Variants in RALY observed in about 807,000 individuals in gnomAD.
RALY encodes RNA-binding protein Raly.
RALY carries 15 observed loss-of-function variants against 30.7 expected under a neutral mutation model. The observed-to-expected ratio is 0.49, with a 90% CI of 0.33 to 0.75. The LOEUF is 0.75. Among genes scored for constraint, RALY ranks in the 30% least tolerant of loss-of-function variants. The probability of loss-of-function intolerance (pLI) is 0.02; values close to 1 mark genes in which losing one functional copy is unlikely to be tolerated. For synonymous variants in RALY, 177 were observed against 170.8 expected (o/e 1.04, Z -0.28); for missense variants, 339 against 414.3 (o/e 0.82, Z 1.58).
At chr20:34,050,515 G>C (rs2033040832) in intron 2 of RALY, among the ~76,000 whole-genome samples, 1 of 152,202 alleles carries the variant, frequency 6.6e-6, no homozygotes, top group Non-Finnish European at 1.5e-5. Context: ...ACAGCAATGT[G>C]GGTTATGAGG....
rs1257696168 is a variant in RALY, at chr20:34,082,798, A to T, written c.*2893A>T. 6.6e-6 allele frequency: 1 copy of T among 152,256 alleles called. No individual in the cohort carries two copies. The highest frequency in any genetic ancestry group is 1.5e-5 in the Non-Finnish European group (1 of 68,054). 9.4% of individuals were successfully genotyped at this position (152,256 alleles called of 1,614,324 possible). A position where few individuals can be genotyped will look rare whatever the true frequency, so the allele number is the denominator to read the frequency against. On this transcript the variant is annotated 3_prime_UTR_variant, in exon 10 of 10. Transcript: ENST00000246194. ...AGCAAAAACATCCATTCCGCTGCGC[A>T]ACAGTTGTCATTTTTCTAACATCTG...
At chr20:34,013,413 C>CA (rs34859292) in intron 1 of RALY, among the ~76,000 whole-genome samples, 2,150 of 84,278 alleles carry the variant, frequency 0.026, 40 homozygotes, top group East Asian at 0.067. Context: ...GACCTTGTCT[C>CA]AAAAAAAAAA....
At chr20:34,042,576 A>G (rs989326849) in intron 2 of RALY, among the ~76,000 whole-genome samples, 6 of 152,204 alleles carry the variant, frequency 3.9e-5, no homozygotes, top group Non-Finnish European at 8.8e-5. Flanking sequence ...TCGTCAGGGC[A>G]TAATTTTCAT....
intron 5 of RALY, among the ~76,000 whole-genome samples, chr20:34,074,469 T>G (rs889366594): frequency 3.3e-5 from 5 of 151,978 alleles, no homozygotes; most frequent in Admixed American, 1.3e-4. Context: ...CCTCCCTGCT[T>G]CTCTCCCTCT....
chr20:34,015,726 G>A (rs1252413726), intron 1 of RALY, among the ~76,000 whole-genome samples: 1 of 152,046 alleles, frequency 6.6e-6, no homozygotes, highest in African/African-American at 2.4e-5. Context: ...GCAAAGCCAG[G>A]GCTAGATGAG....
intron 1 of RALY, among the ~76,000 whole-genome samples, chr20:34,016,076 C>T (rs764741866): frequency 1.3e-5 from 2 of 152,134 alleles, no homozygotes; most frequent in Non-Finnish European, 2.9e-5. Flanking sequence ...CTTACATCTG[C>T]GCACAAGTCC....
rs752734298 is a variant in RALY at position 34,077,099 on chromosome 20, AGTGGTG to A, written c.735_740del (p.Gly250_Gly251del). The stretch of plus-strand genomic sequence containing the variant: ...TGGTGGTGGCAGCGGTGGCGGTGGC[AGTGGTG>A]GTGGCGGTGGCGGTGGCAGCAGCCG... On this transcript the variant is annotated inframe_deletion, in exon 8 of 10. Coordinates refer to ENST00000246194, the MANE Select transcript of RALY (RefSeq NM_016732.3). 3.6e-5 allele frequency: 57 copies of A among 1,604,960 alleles called. No individual in the cohort carries two copies. The highest frequency in any genetic ancestry group is 1.7e-4 in the Middle Eastern group (1 of 6,000).
intron 1 of RALY, among the ~76,000 whole-genome samples, chr20:34,003,238 C>T (rs1249528249): frequency 6.6e-6 from 1 of 152,180 alleles, no homozygotes; most frequent in Non-Finnish European, 1.5e-5. Context: ...TCTTCTCTCT[C>T]TTTGAAGTTC....
chr20:34,041,379 C>T (rs1014121079), intron 2 of RALY, among the ~76,000 whole-genome samples: 4 of 152,164 alleles, frequency 2.6e-5, no homozygotes, highest in Admixed American at 6.5e-5. Context: ...TTCAAGAAAC[C>T]GTACTGTGAA....
chr20:33,998,152 T>C (rs911926078), intron 1 of RALY, among the ~76,000 whole-genome samples: 4 of 152,160 alleles, frequency 2.6e-5, no homozygotes, highest in Admixed American at 2.6e-4. Flanking sequence ...GGTGCTACGC[T>C]TAGGGATTTG....
chr20:34,064,802 A>G (rs1371604798), intron 2 of RALY, among the ~76,000 whole-genome samples: 3 of 152,170 alleles, frequency 2.0e-5, no homozygotes, highest in African/African-American at 7.2e-5. Flanking sequence ...CCCACCCATT[A>G]TACTAGCACT....
intron 3 of RALY, among the ~76,000 whole-genome samples, chr20:34,073,159 T>C (rs1271215138): frequency 6.6e-6 from 1 of 152,148 alleles, no homozygotes; most frequent in African/African-American, 2.4e-5. Flanking sequence ...GTTACCTGTG[T>C]GTGAGTTTCT....
intron 2 of RALY, among the ~76,000 whole-genome samples, chr20:34,064,422 G>A (rs750876043): frequency 6.6e-6 from 1 of 152,190 alleles, no homozygotes; most frequent in Non-Finnish European, 1.5e-5. Flanking sequence ...GGATACCAAT[G>A]TCAGTAGTAT....
intron 2 of RALY, among the ~76,000 whole-genome samples, chr20:34,036,575 C>G (rs1040592819): frequency 1.4e-4 from 22 of 152,170 alleles, no homozygotes; most frequent in African/African-American, 5.1e-4. Flanking sequence ...CCCTCCTCCT[C>G]TGATTTCTGA....
At chr20:34,032,449 A>G (rs2032319373) in intron 2 of RALY, among the ~76,000 whole-genome samples, 1 of 152,162 alleles carries the variant, frequency 6.6e-6, no homozygotes, top group African/African-American at 2.4e-5. Context: ...AAGGAAAATC[A>G]ACGCATTAAG....
intron 5 of RALY, 37 bp from the exon 6 acceptor site, chr20:34,075,837 A>C (rs1249156446): frequency 6.3e-7 from 1 of 1,593,346 alleles, no homozygotes; most frequent in Non-Finnish European, 8.6e-7. Context: ...GGTGGCCACA[A>C]GCCATGCTGC....
Position 34,068,647 on chromosome 20 carries a change from A to G in RALY, c.-9-3419A>G, listed in dbSNP as rs543403862. Among the ~76,000 whole-genome samples the G allele has an allele frequency of 6.6e-5, 10 of 152,316 alleles. No individual in the cohort carries two copies. In the South Asian group the frequency reaches 2.1e-3, roughly 32 times the overall value. ...TTTAAACATTTGAAGGTTCTGAATGAAGCTAATAAATTGTGATGTTCCCAA... is the reference window on the plus strand; with the variant it reads ...TTTAAACATTTGAAGGTTCTGAATGGAGCTAATAAATTGTGATGTTCCCAA... On this transcript the variant is annotated intron_variant, in intron 2 of 9. Transcript: ENST00000246194.
chr20:34,043,551 A>G (rs1475964955), intron 2 of RALY, among the ~76,000 whole-genome samples: 1 of 152,182 alleles, frequency 6.6e-6, no homozygotes, highest in Non-Finnish European at 1.5e-5. Flanking sequence ...TGCTCATGAA[A>G]CCTCTAAAAT....
chr20:34,070,718 A>T (rs2033702655), intron 2 of RALY, among the ~76,000 whole-genome samples: 1 of 152,198 alleles, frequency 6.6e-6, no homozygotes, highest in African/African-American at 2.4e-5. Flanking sequence ...AGTTTCTGGT[A>T]AAATATGAGT....
Sources: allele counts gnomAD v4.1 joint callset (sites outside exome capture counted in the v4.1 genomes callset), GRCh38; gene constraint gnomAD v4.1.1; transcripts MANE v1.5; gene names NCBI Gene and HGNC (gene_info 2026-07-23, HGNC 2026-07-21).